The following SLCO1B1 variants were observed in gnomAD, a reference collection of about 807,000 sequenced individuals.
SLCO1B1 encodes OATP-2.
A neutral mutation model predicts 70.1 loss-of-function variants in SLCO1B1; 81 were observed. The ratio of observed to expected loss-of-function variants is 1.16; its 90% CI spans 0.97 to 1.39. The LOEUF (loss-of-function observed/expected upper bound fraction) is 1.39, where lower values mean the gene tolerates loss of function less well. Ranked by LOEUF, SLCO1B1 falls within the 40% of genes most tolerant of loss-of-function variation. The pLI is 0.00. For missense variants in SLCO1B1, 895 were observed against 799.6 expected (o/e 1.12, Z -1.44); for synonymous variants, 283 against 271.5 (o/e 1.04, Z -0.42).
chr12:21,176,872 A>T lies in SLCO1B1; in HGVS notation c.456A>T (p.Arg152Ser). 1 of 1,562,436 alleles carries T rather than the reference A, an allele frequency of 6.4e-7. No homozygotes were observed. Among genetic ancestry groups the T allele is most frequent in the South Asian group, 1.1e-5 (1 of 90,536 alleles). The change falls in exon 5 of 15, where the codon AGA (arginine) becomes AGT (serine). Residue 152 changes from arginine (R) to serine (S), a missense_variant. By Grantham distance (110) the Arg-to-Ser change is moderately radical (BLOSUM62 -1). Coordinates refer to ENST00000256958, the MANE Select transcript of SLCO1B1 (RefSeq NM_006446.5). ...CLINQILSLN[R>S]ASPEIVGKGC... ...TTAATCAAATTTTATCACTCAATAG[A>T]GCATCACCTGAGATAGTGGGAAAAG...
chr12:21,204,486 T>G (rs1250255535), intron 10 of SLCO1B1, among the ~76,000 whole-genome samples: 3 of 150,252 alleles, frequency 2.0e-5, no homozygotes, highest in Non-Finnish European at 4.4e-5. Context: ...TTTATAAGAG[T>G]GTGAAGGACT....
chr12:21,163,955 T>G (rs1460170791), intron 2 of SLCO1B1, among the ~76,000 whole-genome samples: 1 of 140,536 alleles, frequency 7.1e-6, no homozygotes, highest in Non-Finnish European at 1.6e-5. Context: ...AAAAAAAAAA[T>G]GTAACAGCCA....
At chr12:21,223,046 C>G (rs552077923) in intron 13 of SLCO1B1, among the ~76,000 whole-genome samples, 14 of 152,264 alleles carry the variant, frequency 9.2e-5, no homozygotes, top group Non-Finnish European at 1.0e-4. Flanking sequence ...AGGTTTCTAC[C>G]TTCAGTTTCA....
At position 21,217,143 on chromosome 12, in the gene SLCO1B1, G is replaced by C; in HGVS notation, c.1522G>C (p.Glu508Gln). 1.2e-6 allele frequency: 2 copies of C among 1,613,436 alleles called. No homozygotes were observed. Among genetic ancestry groups the C allele is most frequent in the Non-Finnish European group, 1.7e-6 (2 of 1,179,662 alleles). Residue 508 changes from glutamate to glutamine, a missense_variant, in exon 12 of 15, where the codon GAA becomes CAA. By Grantham distance (29) the Glu-to-Gln change is conservative (BLOSUM62 2). Transcript: ENST00000256958. ...PIVFYNCSCL[E>Q]VTGLQNRNYS... ...GGTGTTTTACAACTGCAGTTGTTTG[G>C]AAGTAACTGGTCTCCAGAACAGAAA...
rs200919323 is a variant in SLCO1B1 at position 21,172,826 on chromosome 12, G to C, written c.226+35G>C. 1.6e-3 allele frequency: 2,583 copies of C among 1,585,854 alleles called. 62 individuals are homozygous for C. In the South Asian group the frequency reaches 0.027, roughly 17 times the overall value. On this transcript the variant is annotated intron_variant, in intron 3 of 14. Transcript: ENST00000256958. Reference sequence around the variant, plus strand: ...ATTTTCTATTTTAATAACCAAACTTGCAAAGTTAAAAAATATATATGCTTT... The same window carrying C: ...ATTTTCTATTTTAATAACCAAACTTCCAAAGTTAAAAAATATATATGCTTT...
chr12:21,207,457 A>C (rs889100354), intron 11 of SLCO1B1, among the ~76,000 whole-genome samples: 7 of 152,038 alleles, frequency 4.6e-5, no homozygotes, highest in Non-Finnish European at 1.0e-4. Flanking sequence ...AGGTTGCTGC[A>C]AGGGACATTA....
intron 2 of SLCO1B1, among the ~76,000 whole-genome samples, chr12:21,150,315 G>T (rs183325320): frequency 6.6e-5 from 10 of 152,232 alleles, no homozygotes; most frequent in Non-Finnish European, 1.3e-4. Context: ...GAGGGCAGTG[G>T]ATCTCCTAGC....
At chr12:21,163,226 A>G (rs1340021073) in intron 2 of SLCO1B1, among the ~76,000 whole-genome samples, 5 of 152,108 alleles carry the variant, frequency 3.3e-5, no homozygotes, top group African/African-American at 9.7e-5. Context: ...GACATTTCCT[A>G]TATTTTCATT....
intron 3 of SLCO1B1, 47 bp from the exon 4 acceptor site, chr12:21,174,530 G>A (rs1271842611): frequency 1.3e-5 from 20 of 1,596,474 alleles, no homozygotes; most frequent in South Asian, 5.6e-5. Context: ...AATTCTAGAC[G>A]CAAAATTGAA....
chr12:21,225,997 A>G (rs1565444290), intron 14 of SLCO1B1, among the ~76,000 whole-genome samples: 1 of 152,268 alleles, frequency 6.6e-6, no homozygotes, highest in Non-Finnish European at 1.5e-5. Flanking sequence ...GTGAATGGAT[A>G]GCCAAACTGG....
At chr12:21,146,988 G>A (rs1036824196) in intron 2 of SLCO1B1, among the ~76,000 whole-genome samples, 3 of 152,080 alleles carry the variant, frequency 2.0e-5, no homozygotes, top group African/African-American at 7.2e-5. Context: ...GTTTTTACCT[G>A]CTGGATCTTT....
chr12:21,135,445 C>G (rs1160821614), intron 1 of SLCO1B1, among the ~76,000 whole-genome samples: 22 of 152,106 alleles, frequency 1.4e-4, no homozygotes, highest in Non-Finnish European at 2.5e-4. Flanking sequence ...GTTAAAGTCT[C>G]CCATTATTAT....
chr12:21,175,647 A>T (rs1433329478), intron 4 of SLCO1B1, among the ~76,000 whole-genome samples: 1 of 151,998 alleles, frequency 6.6e-6, no homozygotes, highest in African/African-American at 2.4e-5. Flanking sequence ...CCTTATAGGA[A>T]GTTTCTTCTT....
chr12:21,173,772 T>TTTC (rs1940784849), intron 3 of SLCO1B1, among the ~76,000 whole-genome samples: 1 of 68,192 alleles, frequency 1.5e-5, no homozygotes, highest in African/African-American at 1.1e-4. Flanking sequence ...TGGTCATGAC[T>TTTC]TTTTTTTTTT....
At chr12:21,192,862 T>C (rs1353747631) in intron 7 of SLCO1B1, among the ~76,000 whole-genome samples, 1 of 152,080 alleles carries the variant, frequency 6.6e-6, no homozygotes, top group East Asian at 1.9e-4. Context: ...ACACTTCCTC[T>C]TACTACTGTT....
At position 21,228,043 on chromosome 12, in the gene SLCO1B1, AT is replaced by A. The variant is rs1373423450; in HGVS notation, c.1865+3206del. ...ATATATGCATATATAAGACAGACAT[AT>A]TATATATATGTTATTCTTGTGTACT... On this transcript the variant is annotated intron_variant, in intron 14 of 14. Coordinates refer to ENST00000256958, the MANE Select transcript of SLCO1B1 (RefSeq NM_006446.5). Among the ~76,000 whole-genome samples the A allele has an allele frequency of 2.6e-5, 4 of 152,064 alleles. No homozygotes were observed. In the East Asian group the frequency reaches 7.7e-4, roughly 29 times the overall value.
In SLCO1B1 at chr12:21,202,541, A is replaced by G. The variant is rs200621156; in HGVS notation, c.1186A>G (p.Ile396Val). ...AAGTGGAATGTTTTTAGGAGGATAT[A>G]TCATTAAAAAATTCAAACTGAACAC... ...FASGMFLGGY[I>V]IKKFKLNTVG... The change falls in exon 10 of 15, where the codon ATC becomes GTC. Residue 396 changes from isoleucine to valine, a missense_variant. Physicochemically the swap from Ile to Val is conservative, Grantham distance 29. Transcript: ENST00000256958. 1.2e-6 allele frequency: 2 copies of G among 1,612,060 alleles called. No individual in the cohort carries two copies. Among genetic ancestry groups the G allele is most frequent in the Non-Finnish European group, 1.7e-6 (2 of 1,179,118 alleles).
rs182786318 is a variant in SLCO1B1, at chr12:21,142,714, G to A, written c.84+1056G>A. 5.3e-5 allele frequency among the ~76,000 whole-genome samples: 8 copies of A among 152,208 alleles called. No homozygotes were observed. In the East Asian group the frequency reaches 1.5e-3, roughly 29 times the overall value. The stretch of plus-strand genomic sequence containing the variant: ...AAGGAAAAAGTATTGGTTAATGCAA[G>A]TGAATTATGTTCTATATTCTAAGGA... On this transcript the variant is annotated intron_variant, in intron 2 of 14. Transcript: ENST00000256958.
At chr12:21,152,533 C>CTTTTTTGTTTTTTTTTTTTTTTT (rs1940485326) in intron 2 of SLCO1B1, among the ~76,000 whole-genome samples, 2 of 34,356 alleles carry the variant, frequency 5.8e-5, no homozygotes, top group Non-Finnish European at 1.0e-4. Flanking sequence ...AGAGGAGAGG[C>CTTTTTTGTTTTTTTTTTTTTTTT]TTTTTTTTTT....
Sources: gnomAD v4.1 joint callset for allele counts (sites outside exome capture counted in the v4.1 genomes callset) on GRCh38, gnomAD v4.1.1 for gene constraint, MANE v1.5 for transcripts, NCBI Gene and HGNC (gene_info 2026-07-23, HGNC 2026-07-21) for gene names.